The following ARK2C variants were observed in gnomAD, a reference collection of about 807,000 sequenced individuals.
The protein encoded by ARK2C is arkadia (RNF111) C-terminal like ring finger ubiquitin ligase 2C, also known as E3 ubiquitin-protein ligase ARK2C.
At chr18:46,417,064 G>C in the ARK2C span, among the ~76,000 whole-genome samples, 1 of 152,190 alleles carries the variant, frequency 6.6e-6, no homozygotes, top group African/African-American at 2.4e-5. Context: ...GCAAGATATG[G>C]AGTCTATCTT....
chr18:46,355,603 A>G, the ARK2C span, among the ~76,000 whole-genome samples: 1 of 152,076 alleles, frequency 6.6e-6, no homozygotes, highest in South Asian at 2.1e-4. Flanking sequence ...ATTTTTCCAG[A>G]CACTTGGGGA....
At chr18:46,363,655 C>G in the ARK2C span, among the ~76,000 whole-genome samples, 1 of 152,344 alleles carries the variant, frequency 6.6e-6, no homozygotes, top group Admixed American at 6.5e-5. Context: ...CAAGTCACAG[C>G]CCTGCCCATG....
At chr18:46,425,822 G>C in the ARK2C span, among the ~76,000 whole-genome samples, 1 of 152,166 alleles carries the variant, frequency 6.6e-6, no homozygotes, top group Non-Finnish European at 1.5e-5. Context: ...TGCTCTAACA[G>C]AAGGCCATAG....
chr18:46,394,997 G>A, the ARK2C span, among the ~76,000 whole-genome samples: 1 of 152,212 alleles, frequency 6.6e-6, no homozygotes, highest in South Asian at 2.1e-4. Context: ...GTAGCCTGTG[G>A]AGACAGCTTC....
the ARK2C span, among the ~76,000 whole-genome samples, chr18:46,380,871 G>A: frequency 1.3e-5 from 2 of 152,192 alleles, no homozygotes; most frequent in South Asian, 2.1e-4. Context: ...TCCTTCCCAC[G>A]TCTCAGCACT....
chr18:46,449,167 G>C, the ARK2C span, among the ~76,000 whole-genome samples: 3 of 152,166 alleles, frequency 2.0e-5, no homozygotes, highest in African/African-American at 4.8e-5. Flanking sequence ...CTGAGGAATA[G>C]AGAGGCTAAG....
chr18:46,435,182 G>T, the ARK2C span: 50 of 831,902 alleles, frequency 6.0e-5, no homozygotes, highest in Middle Eastern at 5.8e-4. Context: ...GCTAAGTGGG[G>T]CTGCAAGAGT....
At chr18:46,410,600 G>C in the ARK2C span, among the ~76,000 whole-genome samples, 1 of 152,210 alleles carries the variant, frequency 6.6e-6, no homozygotes, top group Admixed American at 6.5e-5. Flanking sequence ...CCTAGATCTT[G>C]GTTATGACCT....
At chr18:46,380,137 C>G in the ARK2C span, among the ~76,000 whole-genome samples, 1 of 152,240 alleles carries the variant, frequency 6.6e-6, no homozygotes, top group African/African-American at 2.4e-5. Flanking sequence ...CCTCTGCCTT[C>G]TTCTCCATCT....
the ARK2C span, among the ~76,000 whole-genome samples, chr18:46,348,858 T>C: frequency 6.6e-6 from 1 of 152,132 alleles, no homozygotes; most frequent in Non-Finnish European, 1.5e-5. Flanking sequence ...TTTAGCAGCA[T>C]TTCCCAAAAC....
At chr18:46,383,633 C>A in the ARK2C span, among the ~76,000 whole-genome samples, 1 of 146,520 alleles carries the variant, frequency 6.8e-6, no homozygotes, top group Non-Finnish European at 1.5e-5. Flanking sequence ...CAGCTCACTG[C>A]AAGCTCTGCC....
the ARK2C span, among the ~76,000 whole-genome samples, chr18:46,366,463 T>C: frequency 6.6e-6 from 1 of 152,132 alleles, no homozygotes; most frequent in Non-Finnish European, 1.5e-5. Context: ...TTCTCCCAAA[T>C]ACTGCACTCA....
At chr18:46,410,048 T>G in the ARK2C span, among the ~76,000 whole-genome samples, 3 of 152,306 alleles carry the variant, frequency 2.0e-5, no homozygotes, top group African/African-American at 7.2e-5. Flanking sequence ...AATTATAATC[T>G]TACTGCCAAC....
the ARK2C span, among the ~76,000 whole-genome samples, chr18:46,360,805 G>A: frequency 1.3e-5 from 2 of 152,194 alleles, no homozygotes; most frequent in Non-Finnish European, 2.9e-5. Context: ...GTAGCACCAG[G>A]CAGGGTCACA....
At chr18:46,338,088 T>C in the ARK2C span, among the ~76,000 whole-genome samples, 1 of 152,198 alleles carries the variant, frequency 6.6e-6, no homozygotes, top group African/African-American at 2.4e-5. Context: ...ACTAGCAATC[T>C]TGTAGCATTT....
chr18:46,377,742 GT>G, the ARK2C span, among the ~76,000 whole-genome samples: 3 of 152,212 alleles, frequency 2.0e-5, no homozygotes, highest in Non-Finnish European at 4.4e-5. Context: ...GAGTTGCTAT[GT>G]GATGGGGCAT....
At chr18:46,427,159 G>A in the ARK2C span, among the ~76,000 whole-genome samples, 1 of 152,236 alleles carries the variant, frequency 6.6e-6, no homozygotes, top group Non-Finnish European at 1.5e-5. Context: ...GATGGAGATG[G>A]TGGAGGGAAG....
the ARK2C span, chr18:46,450,555 A>G: frequency 3.7e-6 from 3 of 800,676 alleles, no homozygotes; most frequent in South Asian, 4.7e-5. Flanking sequence ...GCCAGTAGAG[A>G]TATTGCAGTC....
At chr18:46,342,072 G>A in the ARK2C span, among the ~76,000 whole-genome samples, 10 of 152,086 alleles carry the variant, frequency 6.6e-5, no homozygotes, top group Admixed American at 2.6e-4. Context: ...GGGTTTTTTC[G>A]CAATTCAAAG....
Sources: allele counts gnomAD v4.1 joint callset (sites outside exome capture counted in the v4.1 genomes callset), GRCh38; gene constraint gnomAD v4.1.1; transcripts MANE v1.5; gene names NCBI Gene and HGNC (gene_info 2026-07-23, HGNC 2026-07-21).